The following BRD8 variants were observed in gnomAD, a reference collection of about 807,000 sequenced individuals.
BRD8 encodes the protein bromodomain-containing protein 8.
BRD8 carries 67 observed loss-of-function variants against 143.1 expected under a neutral mutation model. The observed-to-expected ratio is 0.47, with a 90% CI of 0.38 to 0.57. BRD8 has a LOEUF of 0.57. Ranked by LOEUF, BRD8 falls within the 20% of genes least tolerant of loss-of-function variation. BRD8 has a pLI of 0.00. For missense variants in BRD8, 1,103 were observed against 1,503.0 expected (o/e 0.73, Z 4.40); for synonymous variants, 505 against 517.1 (o/e 0.98, Z 0.32).
At chr5:138,174,732 A>C (rs192903758) in intron 2 of BRD8, among the ~76,000 whole-genome samples, 207 of 152,268 alleles carry the variant, frequency 1.4e-3, no homozygotes, top group African/African-American at 4.5e-3. Flanking sequence ...AAGGTCAAGC[A>C]GCCACCGTGA....
chr5:138,172,162 C>T (rs1753916453), intron 2 of BRD8, 28 bp from the exon 3 acceptor site: 1 of 1,577,954 alleles, frequency 6.3e-7, no homozygotes, highest in South Asian at 1.1e-5. Flanking sequence ...CTTTATTACA[C>T]ACCAAGCAGA....
At chr5:138,157,577 G>C (rs1752689754) in intron 20 of BRD8, 2 of 343,644 alleles carry the variant, frequency 5.8e-6, no homozygotes, top group Non-Finnish European at 1.1e-5. Flanking sequence ...AAAGGAGCAG[G>C]AGAGTAAAAG....
Position 138,140,886 on chromosome 5 carries a change from C to T in BRD8, c.3438-4G>A, listed in dbSNP as rs1212099725. Reference sequence around the variant, plus strand: ...CAGGCTAGTTAAGTCCATGGGTCTGCAGGTGGCCAAGAAAAAACAAAGAAA... The same window carrying T: ...CAGGCTAGTTAAGTCCATGGGTCTGTAGGTGGCCAAGAAAAAACAAAGAAA... On this transcript the variant is annotated splice_region_variant and splice_polypyrimidine_tract_variant and intron_variant, in intron 25 of 26. Coordinates refer to ENST00000254900, the MANE Select transcript of BRD8 (RefSeq NM_139199.2). 1 of 1,613,430 alleles carries T rather than the reference C, an allele frequency of 6.2e-7. No homozygotes were observed. The highest frequency in any genetic ancestry group is 1.1e-5 in the South Asian group (1 of 91,038).
rs1324057552 is a variant in BRD8 at position 138,164,107 on chromosome 5, T to C, written c.1852A>G (p.Ile618Val). The C allele has an allele frequency of 6.2e-7, 1 of 1,614,082 alleles. No individual in the cohort carries two copies. Among genetic ancestry groups the C allele is most frequent in the Non-Finnish European group, 8.5e-7 (1 of 1,179,982 alleles). Residue 618 changes from isoleucine to valine, a missense_variant, in exon 14 of 27, where the codon ATT (isoleucine) becomes GTT (valine). This residue lies in a region of BRD8 where 75 missense variants were observed against 111.7 expected (regional missense o/e 0.67). Coordinates refer to ENST00000254900, the MANE Select transcript of BRD8 (RefSeq NM_139199.2). Reference sequence around the variant, plus strand: ...AATACCTTTATCTGGCTTCCAAAAATAGTCCCTGATTCTTCTTTCAATGAG... The same window carrying C: ...AATACCTTTATCTGGCTTCCAAAAACAGTCCCTGATTCTTCTTTCAATGAG... ...SDSLKEESGT[I>V]FGSQIKDAPG...
At position 138,163,339 on chromosome 5, in the gene BRD8, G is replaced by A; in HGVS notation, c.1878C>T (p.Ala626=). The A allele has an allele frequency of 6.2e-7, 1 of 1,613,688 alleles. No homozygotes were observed. Among genetic ancestry groups the A allele is most frequent in the Non-Finnish European group, 8.5e-7 (1 of 1,179,876 alleles). The change falls in exon 15 of 27, where the codon GCC becomes GCT. Residue 626 remains alanine, a synonymous_variant. Transcript: ENST00000254900. ...GTIFGSQIKD[A]PGEDEEEDGV... is the part of the protein sequence containing the mutation. The stretch of plus-strand genomic sequence containing the variant: ...CATCTTCCTCCTCATCCTCACCTGG[G>A]GCATCCTTAGATACAGTATGCTCCA...
intron 9 of BRD8, chr5:138,167,699 A>G (rs1753549562): frequency 2.1e-6 from 1 of 471,202 alleles, no homozygotes; most frequent in Admixed American, 3.4e-5. Context: ...AAAGCAGTTC[A>G]ATATTACTCT....
chr5:138,149,811 G>C lies in BRD8; in HGVS notation c.3121-14C>G. ...CTGAGCCTCCCCCTAGGAATGCCAG[G>C]AAACAGGAAACTTTAGAAGGAGATT... is the stretch of plus-strand genomic sequence containing the variant. On this transcript the variant is annotated splice_polypyrimidine_tract_variant and intron_variant, in intron 22 of 26. Transcript: ENST00000254900. The C allele has an allele frequency of 6.3e-7, 1 of 1,586,948 alleles. No homozygotes were observed. Among genetic ancestry groups the C allele is most frequent in the Non-Finnish European group, 8.5e-7 (1 of 1,171,536 alleles).
intron 25 of BRD8, among the ~76,000 whole-genome samples, chr5:138,144,006 A>G (rs1007323591): frequency 1.4e-4 from 21 of 151,660 alleles, no homozygotes; most frequent in African/African-American, 3.6e-4. Flanking sequence ...GCTGCTCCTC[A>G]CTCTTTGGGT....
chr5:138,168,473 T>A, intron 8 of BRD8: 1 of 1,602,870 alleles, frequency 6.2e-7, no homozygotes, highest in Non-Finnish European at 8.5e-7. Context: ...TCCATACCAG[T>A]CTGGGGCTAG....
At position 138,172,151 on chromosome 5, in the gene BRD8, G is replaced by C; in HGVS notation, c.117-17C>G. 6.2e-7 allele frequency: 1 copy of C among 1,603,834 alleles called. No individual in the cohort carries two copies. The highest frequency in any genetic ancestry group is 1.1e-5 in the South Asian group (1 of 90,546). ...ACTGATACCCTACAAAATGAGGAAA[G>C]CTTTATTACACACCAAGCAGAAAAC... On this transcript the variant is annotated splice_polypyrimidine_tract_variant and intron_variant, in intron 2 of 26. Transcript: ENST00000254900.
In BRD8 at chr5:138,150,971, T is replaced by A. The variant is rs368391336; in HGVS notation, c.2894A>T (p.Asn965Ile). 4.6e-5 allele frequency: 75 copies of A among 1,613,822 alleles called. No homozygotes were observed. The highest frequency in any genetic ancestry group is 6.3e-5 in the Non-Finnish European group (74 of 1,180,036). Reference protein sequence around the residue: ...YLMEPLCISSNESSEGCCPPS... With the variant: ...YLMEPLCISSIESSEGCCPPS... Reference sequence around the variant, plus strand: ...AGGGCAGCAGCCTTCACTTGATTCGTTGCTGCTGATGCACAAGGGCTCCAT... The same window carrying A: ...AGGGCAGCAGCCTTCACTTGATTCGATGCTGCTGATGCACAAGGGCTCCAT... Residue 965 changes from asparagine (N) to isoleucine (I), a missense_variant, in exon 22 of 27, where the codon AAC becomes ATC. Asn to Ile is a moderately radical substitution (Grantham distance 149). This residue lies in a region of BRD8 where 369 missense variants were observed against 445.5 expected (regional missense o/e 0.83). Transcript: ENST00000254900.
At chr5:138,174,488 C>T (rs776919089) in intron 2 of BRD8, among the ~76,000 whole-genome samples, 2 of 151,254 alleles carry the variant, frequency 1.3e-5, no homozygotes, top group East Asian at 1.9e-4. Context: ...CCCAGCTACA[C>T]GGGAGGCTGA....
intron 20 of BRD8, among the ~76,000 whole-genome samples, chr5:138,154,633 C>T (rs1308399442): frequency 6.6e-6 from 1 of 152,196 alleles, no homozygotes; most frequent in Non-Finnish European, 1.5e-5. Flanking sequence ...ATCTTCTCTT[C>T]CTTAGCATCC....
In BRD8 at chr5:138,168,026, A is replaced by T; in HGVS notation, c.695T>A (p.Val232Asp). Residue 232 changes from valine (V) to aspartate (D), a missense_variant, in exon 9 of 27, where the codon GTC becomes GAC. Around this residue, in one of 7 missense-constraint regions of BRD8, gnomAD observed 334 missense variants for 372.5 expected, o/e 0.90. Transcript: ENST00000254900. ...VASGHLNSTGVLLEVGGVLPM... is the reference protein window; with the variant it reads ...VASGHLNSTGDLLEVGGVLPM... ...AAGGACCCCGCCTACCTCCAGGAGG[A>T]CACCTGTACTGTTCAGGTGGCCAGA... 3.7e-6 allele frequency: 6 copies of T among 1,612,444 alleles called. No homozygotes were observed. The highest frequency in any genetic ancestry group is 5.1e-6 in the Non-Finnish European group (6 of 1,178,464).
intron 20 of BRD8, among the ~76,000 whole-genome samples, chr5:138,158,085 GT>G (rs1419436757): frequency 3.9e-5 from 6 of 152,184 alleles, no homozygotes; most frequent in African/African-American, 1.4e-4. Context: ...TAAAAAGGTG[GT>G]AACCTTGCAT....
intron 20 of BRD8, among the ~76,000 whole-genome samples, chr5:138,158,900 G>A (rs1423609819): frequency 6.6e-6 from 1 of 151,892 alleles, no homozygotes; most frequent in African/African-American, 2.4e-5. Context: ...TTGTAGTTAG[G>A]GACCACAGGT....
intron 21 of BRD8, 108 bp downstream of exon 21, chr5:138,152,374 G>A: frequency 2.1e-6 from 3 of 1,428,450 alleles, no homozygotes; most frequent in Non-Finnish European, 2.9e-6. Context: ...CCACTGTGGA[G>A]CTTATATTTT....
In BRD8 at chr5:138,161,813, G is replaced by A. The variant is rs1003266662; in HGVS notation, c.2232C>T (p.Tyr744=). Residue 744 remains tyrosine (Y), a synonymous_variant, in exon 17 of 27, where the codon TAC becomes TAT. Coordinates refer to ENST00000254900, the MANE Select transcript of BRD8 (RefSeq NM_139199.2). ...QPVTDDIAPG[Y]HSIVQRPMDL... ...TGGCTCACCTCTGCACAATGCTGTG[G>A]TAGCCAGGTGCTATGTCATCTGTAA... 2 of 1,614,138 alleles carry A rather than the reference G, an allele frequency of 1.2e-6. No individual in the cohort carries two copies. Among genetic ancestry groups the A allele is most frequent in the Non-Finnish European group, 1.7e-6 (2 of 1,180,006 alleles).
intron 2 of BRD8, among the ~76,000 whole-genome samples, chr5:138,176,368 G>A (rs1489571460): frequency 6.6e-6 from 1 of 152,196 alleles, no homozygotes; most frequent in South Asian, 2.1e-4. Flanking sequence ...CAGGACTGGT[G>A]CATTACTTCA....
Sources: gnomAD v4.1 joint callset for allele counts (sites outside exome capture counted in the v4.1 genomes callset) on GRCh38, gnomAD v4.1.1 for gene constraint, gnomAD v4.1.1 regional missense constraint, MANE v1.5 for transcripts, NCBI Gene and HGNC (gene_info 2026-07-23, HGNC 2026-07-21) for gene names.